Variants in TRIM37 observed in about 807,000 individuals in gnomAD.
The protein encoded by TRIM37 is tripartite motif containing 37, also known as E3 ubiquitin-protein ligase TRIM37.
Under a neutral mutation model 129.8 loss-of-function variants are expected in TRIM37, and 80 were observed. The observed-to-expected ratio is 0.62, with a 90% CI of 0.51 to 0.74. TRIM37 has a LOEUF of 0.74. Ranked by LOEUF, TRIM37 falls within the 30% of genes least tolerant of loss-of-function variation. TRIM37 has a pLI of 0.00. For synonymous variants in TRIM37, 389 were observed against 387.1 expected (o/e 1.00, Z -0.06); for missense variants, 1,054 against 1,176.5 (o/e 0.90, Z 1.52).
At position 59,056,875 on chromosome 17, in the gene TRIM37, C is replaced by A; in HGVS notation, c.1199G>T (p.Arg400Met). Reference protein sequence around the residue: ...LNPQNDTVILRFQVRSPTFFQ... With the variant: ...LNPQNDTVILMFQVRSPTFFQ... ...CACAACATCAAATTTTTCCTGTTAC[C>A]TTAAAATCACTGTATCATTTTGTGG... Residue 400 changes from arginine to methionine, a missense_variant and splice_region_variant, in exon 13 of 24, where the codon AGG (arginine) becomes ATG (methionine). By Grantham distance (91) the Arg-to-Met change is moderately conservative (BLOSUM62 -1). Transcript: ENST00000262294. 1 of 1,613,154 alleles carries A rather than the reference C, an allele frequency of 6.2e-7. No individual in the cohort carries two copies. Among genetic ancestry groups the A allele is most frequent in the South Asian group, 1.1e-5 (1 of 91,054 alleles).
intron 18 of TRIM37, among the ~76,000 whole-genome samples, chr17:59,031,608 A>G (rs2037852187): frequency 6.6e-6 from 1 of 152,270 alleles, no homozygotes; most frequent in Admixed American, 6.5e-5. Flanking sequence ...AAGTCCATTC[A>G]TAAAGAAGAT....
At position 59,014,631 on chromosome 17, in the gene TRIM37, T is replaced by C. The variant is rs16943355; in HGVS notation, c.2576+979A>G. Among the ~76,000 whole-genome samples the C allele has an allele frequency of 2.4e-3, 369 of 151,932 alleles. 2 individuals are homozygous for C. The highest frequency in any genetic ancestry group is 8.6e-3 in the African/African-American group (357 of 41,456). On this transcript the variant is annotated intron_variant, in intron 21 of 23. Coordinates refer to ENST00000262294, the MANE Select transcript of TRIM37 (RefSeq NM_015294.6). The stretch of plus-strand genomic sequence containing the variant: ...CAGTGTTAAAGTTGCTGTAAGTGCT[T>C]TGTTTCATACAAAATATATATAAAT...
chr17:59,062,469 A>G, intron 11 of TRIM37, 98 bp downstream of exon 11: 1 of 968,380 alleles, frequency 1.0e-6, no homozygotes, highest in South Asian at 1.4e-5. Context: ...AACAAAAAAA[A>G]GAAGAGTTAA....
At chr17:59,007,494 A>G (rs1373376936) in intron 22 of TRIM37, among the ~76,000 whole-genome samples, 1 of 152,112 alleles carries the variant, frequency 6.6e-6, no homozygotes, top group Non-Finnish European at 1.5e-5. Context: ...CAGGCATGCC[A>G]AGGCTTTTCC....
downstream of TRIM37, among the ~76,000 whole-genome samples, chr17:58,993,209 C>T (rs1169864632): frequency 6.6e-6 from 1 of 152,192 alleles, no homozygotes; most frequent in Non-Finnish European, 1.5e-5. Flanking sequence ...TGAGGCCTCC[C>T]CAGCCACGTG....
At chr17:59,045,547 G>A (rs1177034817) in intron 16 of TRIM37, among the ~76,000 whole-genome samples, 1 of 150,236 alleles carries the variant, frequency 6.7e-6, no homozygotes, top group East Asian at 2.0e-4. Flanking sequence ...GCTGAGGCAG[G>A]AGAATCGCCT....
At chr17:59,056,722 A>AAAAAAAAAAAAAAAAAAAAG (rs2040943224) in intron 13 of TRIM37, among the ~76,000 whole-genome samples, 153 bp downstream of exon 13, 1 of 119,566 alleles carries the variant, frequency 8.4e-6, no homozygotes, top group Non-Finnish European at 1.6e-5. Context: ...TCTCCAAAAA[A>AAAAAAAAAAAAAAAAAAAAG]AAAAAAAAAA....
chr17:58,995,977 G>C (rs953173849), downstream of TRIM37, among the ~76,000 whole-genome samples: 43 of 151,770 alleles, frequency 2.8e-4, no homozygotes, highest in African/African-American at 1.0e-3. Context: ...CTACAGCATG[G>C]GTAACAAAGC....
intron 17 of TRIM37, among the ~76,000 whole-genome samples, chr17:59,034,018 A>C (rs1241068480): frequency 6.6e-6 from 1 of 151,500 alleles, no homozygotes; most frequent in Non-Finnish European, 1.5e-5. Context: ...GAGGCAGGAG[A>C]ATTGCTTGAA....
rs184035588 is a variant in TRIM37, at chr17:59,082,594, G to A, written c.370-1375C>T. ...TTCCATCCCACAGAGTTACTACAGA[G>A]ACAGAAGACTGATACAAGTTAGCCT... On this transcript the variant is annotated intron_variant, in intron 5 of 23. Transcript: ENST00000262294. Among the ~76,000 whole-genome samples, 65 of 152,242 alleles carry A rather than the reference G, an allele frequency of 4.3e-4. 2 individuals carry two copies. Among genetic ancestry groups the A allele is most frequent in the Admixed American group, 4.2e-3 (64 of 15,288 alleles).
At chr17:59,051,569 C>T (rs1164005968) in intron 13 of TRIM37, among the ~76,000 whole-genome samples, 1 of 152,026 alleles carries the variant, frequency 6.6e-6, no homozygotes, top group African/African-American at 2.4e-5. Flanking sequence ...GTTAAGCTTC[C>T]CAAACTAACC....
intron 17 of TRIM37, among the ~76,000 whole-genome samples, chr17:59,033,206 T>C (rs904562230): frequency 2.0e-5 from 3 of 152,066 alleles, no homozygotes; most frequent in Non-Finnish European, 4.4e-5. Flanking sequence ...TACCCATGAG[T>C]ATTTCAGAGA....
At chr17:59,067,553 C>G (rs2042012206) in intron 9 of TRIM37, among the ~76,000 whole-genome samples, 1 of 152,328 alleles carries the variant, frequency 6.6e-6, no homozygotes, top group Non-Finnish European at 1.5e-5. Flanking sequence ...TATATAAAAA[C>G]TGGTTCTCCT....
chr17:59,034,353 C>CT (rs1020320015), intron 17 of TRIM37, among the ~76,000 whole-genome samples: 36 of 147,334 alleles, frequency 2.4e-4, no homozygotes, highest in Admixed American at 3.4e-4. Context: ...ACAAAAACTG[C>CT]TTTTTTTTTT....
Position 59,081,232 on chromosome 17 carries a change from G to A in TRIM37, c.370-13C>T, listed in dbSNP as rs1208828146. On this transcript the variant is annotated splice_polypyrimidine_tract_variant and intron_variant, in intron 5 of 23. Transcript: ENST00000262294. Reference sequence around the variant, plus strand: ...TATGTCCGCCATGCTATTTAAATTAGAGTAGCTTTAGAACACTTTCACATA... The same window carrying A: ...TATGTCCGCCATGCTATTTAAATTAAAGTAGCTTTAGAACACTTTCACATA... 5 of 1,611,268 alleles carry A rather than the reference G, an allele frequency of 3.1e-6. No homozygotes were observed. Among genetic ancestry groups the A allele is most frequent in the Non-Finnish European group, 4.2e-6 (5 of 1,178,552 alleles).
At chr17:59,090,044 G>GAGCTGAAATC (rs2044150587) in intron 3 of TRIM37, 1 of 152,158 alleles carries the variant, frequency 6.6e-6, no homozygotes, top group African/African-American at 2.4e-5. Context: ...AGGCTGCAGT[G>GAGCTGAAATC]AGCTGAAATC....
intron 4 of TRIM37, 96 bp from the exon 5 acceptor site, chr17:59,084,185 T>C: frequency 3.3e-6 from 3 of 901,634 alleles, no homozygotes; most frequent in Non-Finnish European, 5.3e-6. Flanking sequence ...CAGTTTTAAA[T>C]GATTATATCT....
chr17:59,079,645 C>A, intron 7 of TRIM37, 109 bp downstream of exon 7: 1 of 1,387,004 alleles, frequency 7.2e-7, no homozygotes, highest in Non-Finnish European at 1.0e-6. Flanking sequence ...CATGGAGTTG[C>A]CTAAAATCTC....
intron 5 of TRIM37, among the ~76,000 whole-genome samples, chr17:59,082,661 G>A (rs1333422605): frequency 3.3e-5 from 5 of 152,064 alleles, no homozygotes; most frequent in Non-Finnish European, 5.9e-5. Context: ...AATTTTTATA[G>A]CTAACTACCT....
Sources: allele counts gnomAD v4.1 joint callset (sites outside exome capture counted in the v4.1 genomes callset), GRCh38; gene constraint gnomAD v4.1.1; transcripts MANE v1.5; gene names NCBI Gene and HGNC (gene_info 2026-07-23, HGNC 2026-07-21).